The following ARHGAP12 variants were observed in gnomAD, a reference collection of about 807,000 sequenced individuals.
The protein encoded by ARHGAP12 is rho GTPase-activating protein 12.
Under a neutral mutation model 108.6 loss-of-function variants are expected in ARHGAP12, and 64 were observed. That is an observed-to-expected ratio of 0.59 (90% CI 0.48 to 0.73). The LOEUF is 0.73. Ranked by LOEUF, ARHGAP12 falls within the 30% of genes least tolerant of loss-of-function variation. The probability of loss-of-function intolerance (pLI) is 0.00; values close to 1 mark genes in which losing one functional copy is unlikely to be tolerated. For synonymous variants in ARHGAP12, 312 were observed against 337.2 expected (o/e 0.93, Z 0.82); for missense variants, 940 against 1,005.9 (o/e 0.93, Z 0.89).
At chr10:31,920,856 G>A (rs146064766) in intron 1 of ARHGAP12, among the ~76,000 whole-genome samples, 285 of 152,144 alleles carry the variant, frequency 1.9e-3, no homozygotes, top group African/African-American at 6.6e-3. Context: ...GAAAAGAACT[G>A]AAATTATGCA....
intron 3 of ARHGAP12, among the ~76,000 whole-genome samples, chr10:31,903,033 C>G (rs1429752248): frequency 6.6e-6 from 1 of 152,186 alleles, no homozygotes; most frequent in East Asian, 1.9e-4. Flanking sequence ...AGTGCAACAT[C>G]AGCTCTTCCC....
intron 3 of ARHGAP12, among the ~76,000 whole-genome samples, chr10:31,889,206 C>G (rs1233037478): frequency 6.6e-6 from 1 of 152,236 alleles, no homozygotes; most frequent in Non-Finnish European, 1.5e-5. Context: ...GCCACCACAC[C>G]TGGCTTAAGA....
intron 3 of ARHGAP12, among the ~76,000 whole-genome samples, chr10:31,897,467 C>T (rs980482279): frequency 6.6e-6 from 1 of 152,006 alleles, no homozygotes; most frequent in Admixed American, 6.6e-5. Context: ...AACTGAGGGG[C>T]ACAGGGTGGG....
intron 3 of ARHGAP12, among the ~76,000 whole-genome samples, chr10:31,901,122 G>A (rs943319024): frequency 2.0e-5 from 3 of 151,558 alleles, no homozygotes; most frequent in East Asian, 1.9e-4. Context: ...AGGCTAAGGC[G>A]GGATAATCGC....
chr10:31,852,766 G>A (rs1227331172), intron 5 of ARHGAP12, among the ~76,000 whole-genome samples, 169 bp from the exon 6 acceptor site: 4 of 131,888 alleles, frequency 3.0e-5, no homozygotes, highest in African/African-American at 5.9e-5. Context: ...AGCCCAGGCT[G>A]GAGTGCAATG....
intron 3 of ARHGAP12, among the ~76,000 whole-genome samples, chr10:31,905,726 A>G (rs922090698): frequency 6.6e-6 from 1 of 152,154 alleles, no homozygotes; most frequent in Admixed American, 6.5e-5. Flanking sequence ...AGGTATGTGA[A>G]ATGTGGGAAG....
At chr10:31,928,504 C>A (rs978691217) in intron 1 of ARHGAP12, among the ~76,000 whole-genome samples, 179 bp downstream of exon 1, 368 of 151,098 alleles carry the variant, frequency 2.4e-3, no homozygotes, top group Non-Finnish European at 4.3e-3. Context: ...CCTCGCTGCG[C>A]GCCCGACCTC....
chr10:31,906,642 T>C (rs572069323), intron 3 of ARHGAP12, among the ~76,000 whole-genome samples: 95 of 152,194 alleles, frequency 6.2e-4, no homozygotes, highest in African/African-American at 2.2e-3. Flanking sequence ...ACAGCTGCCA[T>C]GGAGAGTTAG....
intron 11 of ARHGAP12, among the ~76,000 whole-genome samples, chr10:31,823,481 A>T (rs1284837254): frequency 6.6e-6 from 1 of 152,104 alleles, no homozygotes; most frequent in Non-Finnish European, 1.5e-5. Flanking sequence ...TCTGCCAAAA[A>T]AAAAAAAAAT....
At chr10:31,918,357 ACAC>A (rs935070186) in intron 1 of ARHGAP12, among the ~76,000 whole-genome samples, 1 of 140,942 alleles carries the variant, frequency 7.1e-6, no homozygotes, top group African/African-American at 2.7e-5. Flanking sequence ...ACACACACAC[ACAC>A]CAATGAGATA....
At chr10:31,892,889 T>C (rs1419191335) in intron 3 of ARHGAP12, among the ~76,000 whole-genome samples, 1 of 152,138 alleles carries the variant, frequency 6.6e-6, no homozygotes, top group Admixed American at 6.6e-5. Context: ...ACAGAAATTA[T>C]AACAAACTGT....
At chr10:31,881,922 T>G (rs1382309498) in intron 3 of ARHGAP12, among the ~76,000 whole-genome samples, 3 of 151,224 alleles carry the variant, frequency 2.0e-5, no homozygotes, top group Non-Finnish European at 3.0e-5. Flanking sequence ...GATGTTTTTT[T>G]TTTTTTTTTT....
In ARHGAP12 at chr10:31,866,406, CAGACTGTAA is replaced by C. The variant is rs1592309996; in HGVS notation, c.685-4757_685-4749del. Among the ~76,000 whole-genome samples the C allele has an allele frequency of 2.6e-5, 4 of 152,216 alleles. No individual in the cohort carries two copies. In the East Asian group the frequency reaches 7.7e-4, roughly 29 times the overall value. ...TGAGGCATTGTACAACAATCAGCTGCAGACTGTAATCTTTGAGAGAAACAAACAAGGTGA... is the reference window on the plus strand; with the variant it reads ...TGAGGCATTGTACAACAATCAGCTGCTCTTTGAGAGAAACAAACAAGGTGA... On this transcript the variant is annotated intron_variant, in intron 3 of 19. Coordinates refer to ENST00000344936, the MANE Select transcript of ARHGAP12 (RefSeq NM_018287.7).
chr10:31,901,991 T>C (rs1290810182), intron 3 of ARHGAP12, among the ~76,000 whole-genome samples: 1 of 152,206 alleles, frequency 6.6e-6, no homozygotes, highest in Non-Finnish European at 1.5e-5. Flanking sequence ...CAAAAACCTC[T>C]TTCCCAAATA....
intron 3 of ARHGAP12, among the ~76,000 whole-genome samples, chr10:31,870,572 A>G (rs996861637): frequency 2.0e-5 from 3 of 152,168 alleles, no homozygotes; most frequent in Non-Finnish European, 4.4e-5. Context: ...TATAAATTAT[A>G]ACATTGGGCC....
chr10:31,908,986 T>C (rs1318020549), intron 2 of ARHGAP12, 60 bp from the exon 3 acceptor site: 8 of 899,526 alleles, frequency 8.9e-6, no homozygotes, highest in Non-Finnish European at 1.0e-5. Flanking sequence ...CTGGATTTCG[T>C]ATTTACTCAC....
chr10:31,857,788 C>A (rs1422649563), intron 4 of ARHGAP12, among the ~76,000 whole-genome samples: 1 of 152,258 alleles, frequency 6.6e-6, no homozygotes, highest in East Asian at 1.9e-4. Context: ...AAAGGAAAAA[C>A]AAATAAGTAA....
intron 3 of ARHGAP12, among the ~76,000 whole-genome samples, chr10:31,905,456 G>A (rs72773117): frequency 0.12 from 18,703 of 152,188 alleles, 1,335 homozygotes; most frequent in Non-Finnish European, 0.17. Context: ...AGTTTGGGTG[G>A]TGTGGTGGAG....
chr10:31,857,255 T>TTTA (rs1448657903), intron 4 of ARHGAP12, among the ~76,000 whole-genome samples: 5 of 152,234 alleles, frequency 3.3e-5, no homozygotes, highest in Non-Finnish European at 5.9e-5. Context: ...TTACTGTTCT[T>TTTA]TTAAATTTTT....
Sources: allele counts gnomAD v4.1 joint callset (sites outside exome capture counted in the v4.1 genomes callset), GRCh38; gene constraint gnomAD v4.1.1; transcripts MANE v1.5; gene names NCBI Gene and HGNC (gene_info 2026-07-23, HGNC 2026-07-21).